Variants in ROBO2 observed in about 807,000 individuals in gnomAD.
The protein encoded by ROBO2 is roundabout guidance receptor 2.
A neutral mutation model predicts 160.8 loss-of-function variants in ROBO2; 53 were observed. The observed-to-expected ratio is 0.33, with a 90% CI of 0.26 to 0.41. The LOEUF (loss-of-function observed/expected upper bound fraction) is 0.41. Among genes scored for constraint, ROBO2 ranks in the 10% least tolerant of loss-of-function variants. The pLI, the probability that ROBO2 is intolerant of heterozygous loss-of-function variation, is 1.00. For synonymous variants in ROBO2, 664 were observed against 611.7 expected, an observed-to-expected ratio of 1.09 and a Z score of -1.26; for missense variants, 1,577 against 1,722.4, an observed-to-expected ratio of 0.92 and a Z score of 1.49.
intron 2 of ROBO2, among the ~76,000 whole-genome samples, chr3:76,976,292 T>A (rs547288651): frequency 1.3e-5 from 2 of 152,188 alleles, no homozygotes; most frequent in Non-Finnish European, 2.9e-5. Flanking sequence ...CAATACCCCA[T>A]AGTTAGGTCA....
In ROBO2 at chr3:76,012,689, C is replaced by T. The variant is rs1386339357; in HGVS notation, c.109+75087C>T. On this transcript the variant is annotated intron_variant, in intron 2 of 26. Transcript: ENST00000487694. ...ATGCTTAAAGACTTTTTTAAAAATC[C>T]GTGTGGTGTTATTTTTAGAGGTATA... is the stretch of plus-strand genomic sequence containing the variant. Among the ~76,000 whole-genome samples the T allele has an allele frequency of 2.0e-5, 3 of 151,832 alleles. 1 individual carries two copies. Among genetic ancestry groups the T allele is most frequent in the South Asian group, 4.2e-4 (2 of 4,818 alleles).
chr3:77,357,470 C>G (rs779085343), intron 2 of ROBO2, among the ~76,000 whole-genome samples: 2 of 152,110 alleles, frequency 1.3e-5, no homozygotes, highest in Non-Finnish European at 2.9e-5. Context: ...CCCTTCTATC[C>G]TGGACTTTCC....
chr3:76,389,858 C>A lies in ROBO2; in HGVS notation c.109+452256C>A, dbSNP rs139495182. ...AGTTTATTTCAGTTGAACATAGATT[C>A]CAGAGCTAGGAAAATTATTTCTGTG... On this transcript the variant is annotated intron_variant, in intron 2 of 26. Coordinates refer to the ROBO2 transcript ENST00000487694. 6.5e-3 allele frequency among the ~76,000 whole-genome samples: 985 copies of A among 152,198 alleles called. 8 individuals are homozygous for A. The highest frequency in any genetic ancestry group is 0.05 in the South Asian group (242 of 4,816).
intron 2 of ROBO2, among the ~76,000 whole-genome samples, chr3:76,319,498 G>A (rs895255481): frequency 6.6e-6 from 1 of 151,816 alleles, no homozygotes; most frequent in South Asian, 2.1e-4. Flanking sequence ...CTTCAACTAA[G>A]TTAAATGATT....
At chr3:77,239,589 A>G (rs1465529636) in intron 2 of ROBO2, among the ~76,000 whole-genome samples, 1 of 152,110 alleles carries the variant, frequency 6.6e-6, no homozygotes, top group Non-Finnish European at 1.5e-5. Context: ...TGACTGGCCC[A>G]TTTTACAGAG....
intron 2 of ROBO2, among the ~76,000 whole-genome samples, chr3:76,455,877 A>G (rs1008181426): frequency 1.2e-4 from 18 of 152,302 alleles, no homozygotes; most frequent in Non-Finnish European, 1.8e-4. Flanking sequence ...GGTGTACACT[A>G]TACCAATTCT....
chr3:77,497,840 G>A (rs1316364671), intron 5 of ROBO2, among the ~76,000 whole-genome samples: 1 of 151,846 alleles, frequency 6.6e-6, no homozygotes, highest in Non-Finnish European at 1.5e-5. Context: ...CTAAAGCTCT[G>A]TAAAAAAGTA....
At chr3:76,146,697 G>GGGGT (rs1553657636) in intron 2 of ROBO2, among the ~76,000 whole-genome samples, 1 of 136,440 alleles carries the variant, frequency 7.3e-6, no homozygotes, top group Non-Finnish European at 1.6e-5. Context: ...GATTACATAG[G>GGGGT]GTGTGTGTGT....
intron 2 of ROBO2, among the ~76,000 whole-genome samples, chr3:76,787,577 A>G (rs1032257917): frequency 3.3e-5 from 5 of 151,430 alleles, no homozygotes; most frequent in African/African-American, 1.2e-4. Context: ...TTGTAAAATT[A>G]TCTTTTGTTA....
intron 19 of ROBO2, 83 bp from the exon 21 acceptor site, chr3:77,602,127 C>T: frequency 7.3e-7 from 1 of 1,379,030 alleles, no homozygotes; most frequent in South Asian, 1.2e-5. Flanking sequence ...CAGTGTGACA[C>T]ACTTATTTTT....
intron 2 of ROBO2, among the ~76,000 whole-genome samples, chr3:77,204,974 G>A (rs2083277419): frequency 6.6e-6 from 1 of 152,224 alleles, no homozygotes; most frequent in Non-Finnish European, 1.5e-5. Flanking sequence ...CCTGACGGGA[G>A]GGGAGCACAG....
intron 8 of ROBO2, among the ~76,000 whole-genome samples, chr3:77,553,919 T>G: frequency 6.6e-6 from 1 of 152,092 alleles, no homozygotes; most frequent in East Asian, 1.9e-4. Context: ...AGAAGTTCAT[T>G]CATGAAAGTG....
intron 5 of ROBO2, among the ~76,000 whole-genome samples, chr3:77,497,114 A>G (rs903826127): frequency 6.6e-6 from 1 of 152,096 alleles, no homozygotes; most frequent in African/African-American, 2.4e-5. Context: ...ACAAAATGGA[A>G]AGGAGTCTAC....
At chr3:76,132,181 C>G (rs1237553838) in intron 2 of ROBO2, among the ~76,000 whole-genome samples, 2 of 152,034 alleles carry the variant, frequency 1.3e-5, no homozygotes, top group African/African-American at 4.8e-5. Flanking sequence ...GGGCAAAACC[C>G]CAAGACAAGT....
intron 2 of ROBO2, among the ~76,000 whole-genome samples, chr3:75,983,064 TAATCAGGAAA>T (rs2065321202): frequency 6.6e-6 from 1 of 151,508 alleles, no homozygotes; most frequent in Admixed American, 6.6e-5. Flanking sequence ...TTGTCATCAG[TAATCAGGAAA>T]AGGTTGCCCT....
At chr3:76,799,760 G>GA in intron 2 of ROBO2, among the ~76,000 whole-genome samples, 1 of 152,064 alleles carries the variant, frequency 6.6e-6, no homozygotes, top group East Asian at 1.9e-4. Flanking sequence ...CCATAGATTG[G>GA]AAAAATAAAT....
chr3:77,379,414 C>T (rs1001001469), intron 2 of ROBO2, among the ~76,000 whole-genome samples: 5 of 151,592 alleles, frequency 3.3e-5, no homozygotes, highest in African/African-American at 1.2e-4. Context: ...TGTAGGAAGT[C>T]TCTGTGAATG....
intron 2 of ROBO2, among the ~76,000 whole-genome samples, chr3:76,361,911 G>C (rs17013946): frequency 1.1e-3 from 170 of 152,190 alleles, no homozygotes; most frequent in African/African-American, 3.9e-3. Context: ...AAAACCTGAA[G>C]TGTTAGATTT....
chr3:77,382,021 G>C (rs990587740), intron 2 of ROBO2, among the ~76,000 whole-genome samples: 6 of 152,104 alleles, frequency 3.9e-5, no homozygotes, highest in Non-Finnish European at 7.3e-5. Context: ...AAATGCCCAA[G>C]CTAAGTTTGT....
Sources: allele counts gnomAD v4.1 joint callset (sites outside exome capture counted in the v4.1 genomes callset), GRCh38; gene constraint gnomAD v4.1.1; transcripts MANE v1.5; gene names NCBI Gene and HGNC (gene_info 2026-07-23, HGNC 2026-07-21).